Variants in CCSER1 observed in about 807,000 individuals in gnomAD.
CCSER1 encodes the protein serine-rich coiled-coil domain-containing protein 1.
CCSER1 carries 41 observed loss-of-function variants against 82.0 expected under a neutral mutation model. The observed-to-expected ratio is 0.50, with a 90% CI of 0.39 to 0.65. CCSER1 has a LOEUF of 0.65. Ranked by LOEUF, CCSER1 falls within the 30% of genes least tolerant of loss-of-function variation. The pLI, the probability that CCSER1 is intolerant of heterozygous loss-of-function variation, is 0.00. For missense variants in CCSER1, 1,119 were observed against 1,064.2 expected (o/e 1.05, Z -0.72); for synonymous variants, 414 against 383.9 (o/e 1.08, Z -0.92).
At chr4:90,797,091 C>T (rs1350350068) in intron 7 of CCSER1, among the ~76,000 whole-genome samples, 1 of 152,118 alleles carries the variant, frequency 6.6e-6, no homozygotes, top group Non-Finnish European at 1.5e-5. Flanking sequence ...ATGTTAAAGT[C>T]TCCCATGATT....
At chr4:91,531,051 A>T (rs1046370071) in intron 10 of CCSER1, among the ~76,000 whole-genome samples, 1 of 152,130 alleles carries the variant, frequency 6.6e-6, no homozygotes, top group Non-Finnish European at 1.5e-5. Flanking sequence ...TTGAAGATGT[A>T]CTAGGTACTT....
At chr4:90,767,379 A>G (rs1290829650) in intron 7 of CCSER1, among the ~76,000 whole-genome samples, 1 of 152,158 alleles carries the variant, frequency 6.6e-6, no homozygotes, top group Non-Finnish European at 1.5e-5. Context: ...CTGATGATCT[A>G]AATAATGCCA....
intron 5 of CCSER1, among the ~76,000 whole-genome samples, chr4:90,567,725 G>C (rs898042231): frequency 1.3e-5 from 2 of 151,044 alleles, no homozygotes; most frequent in Non-Finnish European, 2.9e-5. Context: ...TCCCACCTCA[G>C]CCTCCCAAAG....
chr4:90,631,486 A>G (rs1399371058), intron 6 of CCSER1, among the ~76,000 whole-genome samples: 1 of 152,196 alleles, frequency 6.6e-6, no homozygotes, highest in Non-Finnish European at 1.5e-5. Flanking sequence ...TACAAATAGC[A>G]TTTGAAAATA....
chr4:90,363,226 C>G, intron 3 of CCSER1, among the ~76,000 whole-genome samples: 1 of 152,088 alleles, frequency 6.6e-6, no homozygotes, highest in South Asian at 2.1e-4. Context: ...CTCTCCTTGT[C>G]AATTGCTTAT....
intron 6 of CCSER1, among the ~76,000 whole-genome samples, chr4:90,699,365 C>T (rs1023873367): frequency 1.3e-5 from 2 of 151,998 alleles, no homozygotes; most frequent in Non-Finnish European, 1.5e-5. Flanking sequence ...CTCAGAAGGT[C>T]GGGGCATGAG....
At chr4:90,412,288 A>C (rs1489615845) in intron 4 of CCSER1, among the ~76,000 whole-genome samples, 1 of 122,080 alleles carries the variant, frequency 8.2e-6, no homozygotes, top group African/African-American at 3.1e-5. Flanking sequence ...ACACAGGAAG[A>C]GGAACCTCAC....
chr4:90,528,779 A>G (rs1249528402), intron 5 of CCSER1, among the ~76,000 whole-genome samples: 3 of 152,146 alleles, frequency 2.0e-5, no homozygotes, highest in African/African-American at 4.8e-5. Context: ...CTCATTCCCA[A>G]TGGGTTGTAG....
intron 3 of CCSER1, among the ~76,000 whole-genome samples, chr4:90,361,871 C>T (rs1369668111): frequency 6.6e-6 from 1 of 152,214 alleles, no homozygotes; most frequent in African/African-American, 2.4e-5. Context: ...TGACTATCTT[C>T]AACTTCAAAC....
rs1470910474 is a variant in CCSER1, at chr4:91,581,600, CA to C, written c.2218-16969del. On this transcript the variant is annotated intron_variant, in intron 10 of 10. Coordinates refer to ENST00000509176, the MANE Select transcript of CCSER1 (RefSeq NM_001145065.2). ...TGACAGGGTTACAAATGGAGTATTC[CA>C]AATGATGATTTAACCTGAATTGTGA... is the stretch of plus-strand genomic sequence containing the variant. Among the ~76,000 whole-genome samples, 7 of 151,678 alleles carry C rather than the reference CA, an allele frequency of 4.6e-5. No individual in the cohort carries two copies. The Admixed American group carries it at 4.6e-4, about 10-fold the overall frequency.
At chr4:90,335,628 G>A (rs974235642) in intron 3 of CCSER1, among the ~76,000 whole-genome samples, 4 of 152,004 alleles carry the variant, frequency 2.6e-5, no homozygotes, top group Non-Finnish European at 5.9e-5. Context: ...TCATTGTCAG[G>A]GATGGAAAAT....
chr4:90,221,089 T>C (rs868401409), intron 1 of CCSER1, among the ~76,000 whole-genome samples: 2 of 152,150 alleles, frequency 1.3e-5, no homozygotes, highest in Non-Finnish European at 2.9e-5. Context: ...AATCATTATT[T>C]TGACAATAAA....
intron 10 of CCSER1, among the ~76,000 whole-genome samples, chr4:91,463,707 G>A (rs538250088): frequency 6.6e-6 from 1 of 152,308 alleles, no homozygotes; most frequent in South Asian, 2.1e-4. Context: ...CGTGATTAAT[G>A]CACAAGCTTC....
At chr4:91,064,451 C>T (rs1744195683) in intron 9 of CCSER1, among the ~76,000 whole-genome samples, 2 of 152,190 alleles carry the variant, frequency 1.3e-5, no homozygotes, top group Non-Finnish European at 2.9e-5. Context: ...CCCTTTCTCT[C>T]AGGAGGGGCC....
intron 8 of CCSER1, among the ~76,000 whole-genome samples, chr4:90,917,120 A>T (rs575514763): frequency 1.3e-5 from 2 of 152,302 alleles, no homozygotes; most frequent in African/African-American, 4.8e-5. Context: ...TTCCTCAGGG[A>T]TCTAGAACTA....
chr4:90,271,826 TTA>T (rs1189309598), intron 1 of CCSER1, among the ~76,000 whole-genome samples: 2,097 of 42,676 alleles, frequency 0.049, 156 homozygotes, highest in Non-Finnish European at 0.07. Context: ...ACTGGACAAT[TTA>T]TATATATATA....
chr4:90,799,233 A>G (rs1756455234), intron 7 of CCSER1, among the ~76,000 whole-genome samples: 1 of 152,030 alleles, frequency 6.6e-6, no homozygotes, highest in South Asian at 2.1e-4. Context: ...ACGAGGGAGG[A>G]TCTGCTGTTC....
intron 5 of CCSER1, among the ~76,000 whole-genome samples, chr4:90,538,864 A>G (rs1173958493): frequency 6.6e-6 from 1 of 152,090 alleles, no homozygotes; most frequent in African/African-American, 2.4e-5. Flanking sequence ...TCATTCAAGT[A>G]TAAAATATTT....
intron 3 of CCSER1, among the ~76,000 whole-genome samples, chr4:90,335,376 T>G (rs1740191622): frequency 1.3e-5 from 2 of 152,142 alleles, no homozygotes; most frequent in South Asian, 4.1e-4. Context: ...GATGAGTGGA[T>G]TAGAAATGAG....
Sources: allele counts gnomAD v4.1 joint callset (sites outside exome capture counted in the v4.1 genomes callset), GRCh38; gene constraint gnomAD v4.1.1; transcripts MANE v1.5; gene names NCBI Gene and HGNC (gene_info 2026-07-23, HGNC 2026-07-21).